Variants in MAGI2 observed in about 807,000 individuals in gnomAD.
MAGI2 encodes the protein membrane-associated guanylate kinase, WW and PDZ domain-containing protein 2.
In MAGI2, 35 loss-of-function variants were observed where a neutral mutation model predicts 133.3. The observed-to-expected ratio is 0.26, with a 90% confidence interval of 0.20 to 0.35. The LOEUF (loss-of-function observed/expected upper bound fraction) is 0.35, where lower values mean the gene tolerates loss of function less well. MAGI2 is among the 10% of genes least tolerant of loss of function. The pLI is 1.00. For synonymous variants in MAGI2, 729 were observed against 710.6 expected (o/e 1.03, Z -0.41); for missense variants, 1,636 against 1,863.4 (o/e 0.88, Z 2.25).
chr7:79,055,554 A>C (rs1240017443), intron 1 of MAGI2, among the ~76,000 whole-genome samples: 7 of 150,390 alleles, frequency 4.7e-5, no homozygotes, highest in African/African-American at 7.4e-5. Flanking sequence ...TATAGAACAC[A>C]CTTTTTTTTT....
intron 2 of MAGI2, among the ~76,000 whole-genome samples, chr7:78,964,561 T>G: frequency 6.6e-6 from 1 of 152,194 alleles, no homozygotes; most frequent in Admixed American, 6.6e-5. Flanking sequence ...TTTTGAGAGA[T>G]GGAAGCACTG....
At chr7:78,452,820 A>T (rs1788870709) in intron 6 of MAGI2, among the ~76,000 whole-genome samples, 1 of 152,006 alleles carries the variant, frequency 6.6e-6, no homozygotes. Flanking sequence ...AAAAATACAT[A>T]CTTTTGATGT....
intron 1 of MAGI2, among the ~76,000 whole-genome samples, chr7:79,202,444 T>C (rs1369782121): frequency 6.6e-6 from 1 of 151,900 alleles, no homozygotes; most frequent in African/African-American, 2.4e-5. Flanking sequence ...TTCTTATTAT[T>C]ATGTTTATAG....
chr7:78,422,882 G>A (rs7810620), intron 6 of MAGI2, among the ~76,000 whole-genome samples: 34,831 of 152,062 alleles, frequency 0.23, 5,122 homozygotes, highest in African/African-American at 0.42. Context: ...TTAGTCTCAT[G>A]CTTTTTGCTC....
At chr7:78,942,894 A>G (rs960682433) in intron 2 of MAGI2, among the ~76,000 whole-genome samples, 3 of 46,020 alleles carry the variant, frequency 6.5e-5, no homozygotes, top group Non-Finnish European at 1.1e-4. Context: ...TAGTAAGTGA[A>G]AAAAAAAAAA....
chr7:78,623,023 T>A (rs1807913199), intron 3 of MAGI2, among the ~76,000 whole-genome samples: 1 of 152,070 alleles, frequency 6.6e-6, no homozygotes, highest in Admixed American at 6.6e-5. Flanking sequence ...CAAAACTTGG[T>A]TATGTTCATA....
chr7:79,269,029 G>A (rs1366659673), intron 1 of MAGI2, among the ~76,000 whole-genome samples: 1 of 152,180 alleles, frequency 6.6e-6, no homozygotes, highest in African/African-American at 2.4e-5. Flanking sequence ...AAATGGTGGA[G>A]TTGATGAAAG....
Position 78,441,501 on chromosome 7 carries a change from G to A in MAGI2, c.1045+48260C>T, listed in dbSNP as rs577302458. ...TTGTGTGGAGTCACTTTGGATTTAT[G>A]CACAATTAGGGATTTTGGTTACCTA... On this transcript the variant is annotated intron_variant, in intron 6 of 21. Coordinates refer to ENST00000354212, the MANE Select transcript of MAGI2 (RefSeq NM_012301.4). Among the ~76,000 whole-genome samples the A allele has an allele frequency of 3.9e-5, 6 of 152,246 alleles. 1 individual carries two copies. Among genetic ancestry groups the A allele is most frequent in the African/African-American group, 1.4e-4 (6 of 41,546 alleles).
chr7:79,072,992 C>T (rs1016245636), intron 1 of MAGI2, among the ~76,000 whole-genome samples: 1 of 152,034 alleles, frequency 6.6e-6, no homozygotes, highest in African/African-American at 2.4e-5. Context: ...GCATTTGACA[C>T]AGATTTCTTT....
chr7:78,218,455 G>C (rs1788477805), intron 10 of MAGI2, among the ~76,000 whole-genome samples: 1 of 152,228 alleles, frequency 6.6e-6, no homozygotes, highest in Non-Finnish European at 1.5e-5. Context: ...AGTGAAGGCA[G>C]GGGCCATGCT....
At chr7:78,623,401 A>G in intron 3 of MAGI2, among the ~76,000 whole-genome samples, 1 of 152,100 alleles carries the variant, frequency 6.6e-6, no homozygotes, top group East Asian at 1.9e-4. Flanking sequence ...ATTCTGTAAA[A>G]TGTATTATTT....
intron 3 of MAGI2, among the ~76,000 whole-genome samples, chr7:78,611,996 GA>G (rs1317477388): frequency 6.6e-6 from 1 of 152,046 alleles, no homozygotes; most frequent in East Asian, 1.9e-4. Context: ...GTCCAAATTT[GA>G]TACCACTGTT....
intron 1 of MAGI2, among the ~76,000 whole-genome samples, chr7:79,028,249 ATATATATATATATATATATGTATGTATG>A (rs1311127678): frequency 3.5e-5 from 1 of 28,732 alleles, no homozygotes; most frequent in Non-Finnish European, 8.1e-5. Context: ...ATATATATAT[ATATATATATATATATATATGTATGTATG>A]TATATATATA....
chr7:78,979,117 T>C (rs1804559968), intron 2 of MAGI2, among the ~76,000 whole-genome samples: 1 of 151,888 alleles, frequency 6.6e-6, no homozygotes, highest in Non-Finnish European at 1.5e-5. Flanking sequence ...GATGTGTGTA[T>C]GCATGTGGAT....
rs770535564 is a variant in MAGI2, at chr7:78,178,198, C to A, written c.2312-96G>T. ...CAATGATAAATTAATTTTGTGGATGCGATTAATGAGAGTGCTGTTAGGGTC... is the reference window on the plus strand; with the variant it reads ...CAATGATAAATTAATTTTGTGGATGAGATTAATGAGAGTGCTGTTAGGGTC... On this transcript the variant is annotated intron_variant, in intron 13 of 21. Coordinates refer to ENST00000354212, the MANE Select transcript of MAGI2 (RefSeq NM_012301.4). 19 of 766,084 alleles carry A rather than the reference C, an allele frequency of 2.5e-5. No individual in the cohort carries two copies. The East Asian group carries it at 3.2e-4, about 13-fold the overall frequency. The allele number at this position is 766,084 out of a possible 1,614,324, so 47.5% of individuals were successfully genotyped here.
At chr7:78,631,104 G>T (rs986655140) in intron 2 of MAGI2, among the ~76,000 whole-genome samples, 1 of 152,180 alleles carries the variant, frequency 6.6e-6, no homozygotes, top group Non-Finnish European at 1.5e-5. Flanking sequence ...TTCCAAGCCT[G>T]AAAATGTCTT....
chr7:78,395,202 T>C (rs140407223), intron 6 of MAGI2, among the ~76,000 whole-genome samples: 2 of 152,054 alleles, frequency 1.3e-5, no homozygotes, highest in Admixed American at 6.6e-5. Flanking sequence ...ACTCTTACAC[T>C]ATGGGAAAAA....
At chr7:78,376,839 G>A (rs933002914) in intron 6 of MAGI2, among the ~76,000 whole-genome samples, 3 of 152,100 alleles carry the variant, frequency 2.0e-5, no homozygotes, top group African/African-American at 4.8e-5. Flanking sequence ...GACTTAGCAA[G>A]AGTCGTCCTT....
chr7:79,120,634 A>C (rs1434189484), intron 1 of MAGI2, among the ~76,000 whole-genome samples: 1 of 152,072 alleles, frequency 6.6e-6, no homozygotes, highest in East Asian at 1.9e-4. Flanking sequence ...TGAGTTTAGC[A>C]GATGTTTGAA....
Sources: allele counts gnomAD v4.1 joint callset (sites outside exome capture counted in the v4.1 genomes callset), GRCh38; gene constraint gnomAD v4.1.1; transcripts MANE v1.5; gene names NCBI Gene and HGNC (gene_info 2026-07-23, HGNC 2026-07-21).